The following NDC1 variants were observed in gnomAD, a reference collection of about 807,000 sequenced individuals.
NDC1 encodes the protein nucleoporin NDC1.
Under a neutral mutation model 89.8 loss-of-function variants are expected in NDC1, and 24 were observed. The observed-to-expected ratio is 0.27, with a 90% CI of 0.19 to 0.38. The LOEUF (loss-of-function observed/expected upper bound fraction) is 0.38, where lower values mean the gene tolerates loss of function less well. Ranked by LOEUF, NDC1 falls within the 10% of genes least tolerant of loss-of-function variation. The pLI is 1.00. For synonymous variants in NDC1, 296 were observed against 284.8 expected, an observed-to-expected ratio of 1.04 and a Z score of -0.39; for missense variants, 728 against 797.6, an observed-to-expected ratio of 0.91 and a Z score of 1.05.
At chr1:53,792,007 A>C (rs1221397513) in intron 14 of NDC1, among the ~76,000 whole-genome samples, 2 of 149,474 alleles carry the variant, frequency 1.3e-5, no homozygotes, top group Admixed American at 6.7e-5. Flanking sequence ...CAGTGGCTCT[A>C]TCTCGGCTCA....
intron 5 of NDC1, among the ~76,000 whole-genome samples, chr1:53,825,044 C>A (rs1489964332): frequency 2.0e-5 from 3 of 152,048 alleles, no homozygotes; most frequent in Non-Finnish European, 4.4e-5. Flanking sequence ...CACAGTGGTG[C>A]ACACCTGTAG....
intron 10 of NDC1, among the ~76,000 whole-genome samples, 195 bp downstream of exon 10, chr1:53,803,733 G>A (rs888293362): frequency 5.9e-5 from 9 of 152,064 alleles, no homozygotes; most frequent in Admixed American, 3.3e-4. Flanking sequence ...CACCACGCCC[G>A]GCTAATTTTT....
intron 2 of NDC1, among the ~76,000 whole-genome samples, chr1:53,833,022 G>C (rs575093501): frequency 1.5e-4 from 23 of 152,004 alleles, no homozygotes; most frequent in South Asian, 4.2e-4. Context: ...AAAAACAAAG[G>C]GGGGGAGAAA....
chr1:53,835,614 C>T lies in NDC1; in HGVS notation c.64G>A (p.Gly22Ser). The T allele has an allele frequency of 6.2e-7, 1 of 1,607,746 alleles. No individual in the cohort carries two copies. Among genetic ancestry groups the T allele is most frequent in the Non-Finnish European group, 8.5e-7 (1 of 1,178,194 alleles). The change falls in exon 2 of 18, where the codon GGC becomes AGC. Residue 22 changes from glycine (G) to serine (S), a missense_variant. Physicochemically the swap from Gly to Ser is moderately conservative, Grantham distance 56. Coordinates refer to ENST00000371429, the MANE Select transcript of NDC1 (RefSeq NM_018087.5). Reference sequence around the variant, plus strand: ...ACAATACTTGCAACTATCCTCCAGCCCAAAACCTATAAACAAAAAGAAAAA... The same window carrying T: ...ACAATACTTGCAACTATCCTCCAGCTCAAAACCTATAAACAAAAAGAAAAA... The part of the protein sequence containing the change: ...RSRDILWRVL[G>S]WRIVASIVWS...
chr1:53,827,568 T>A (rs1281385479), intron 4 of NDC1, among the ~76,000 whole-genome samples: 2 of 152,238 alleles, frequency 1.3e-5, no homozygotes, highest in African/African-American at 2.4e-5. Flanking sequence ...TTATAATTTT[T>A]AAAAATTTTT....
intron 13 of NDC1, among the ~76,000 whole-genome samples, chr1:53,794,680 G>A (rs1487389984): frequency 6.6e-6 from 1 of 152,056 alleles, no homozygotes; most frequent in Non-Finnish European, 1.5e-5. Flanking sequence ...GATCAGCCTG[G>A]GCAACATAGA....
chr1:53,823,155 CA>C (rs745590504), intron 5 of NDC1, among the ~76,000 whole-genome samples: 4 of 152,104 alleles, frequency 2.6e-5, no homozygotes, highest in Non-Finnish European at 4.4e-5. Context: ...CTAGTCTTGC[CA>C]AATCTTCAGC....
At chr1:53,809,133 A>C (rs1477069666) in intron 7 of NDC1, among the ~76,000 whole-genome samples, 3 of 152,190 alleles carry the variant, frequency 2.0e-5, no homozygotes, top group African/African-American at 7.2e-5. Flanking sequence ...TCATAGGCTA[A>C]ATTAGAATAA....
chr1:53,827,977 G>A, intron 4 of NDC1, 22 bp downstream of exon 4: 1 of 1,554,988 alleles, frequency 6.4e-7, no homozygotes, highest in Non-Finnish European at 8.7e-7. Context: ...AGATTCCTAA[G>A]GAAATATATA....
At chr1:53,772,865 C>T (rs1200896645) in intron 16 of NDC1, among the ~76,000 whole-genome samples, 2 of 151,996 alleles carry the variant, frequency 1.3e-5, no homozygotes, top group Non-Finnish European at 2.9e-5. Context: ...TATAGCTATG[C>T]TGTAACACAT....
chr1:53,799,333 A>C (rs1185616069), intron 11 of NDC1, among the ~76,000 whole-genome samples: 3 of 152,200 alleles, frequency 2.0e-5, no homozygotes, highest in African/African-American at 7.2e-5. Flanking sequence ...TTTGGTATGC[A>C]GTAGGAATTC....
intron 4 of NDC1, among the ~76,000 whole-genome samples, chr1:53,826,173 T>G (rs1303983837): frequency 1.3e-5 from 2 of 152,222 alleles, no homozygotes; most frequent in Admixed American, 6.5e-5. Context: ...AAATCTGACA[T>G]GATTAAGTAT....
chr1:53,782,127 G>C (rs1647215222), intron 16 of NDC1, among the ~76,000 whole-genome samples: 1 of 152,064 alleles, frequency 6.6e-6, no homozygotes, highest in Non-Finnish European at 1.5e-5. Flanking sequence ...GACAAAAAAG[G>C]AAAGAAAAGG....
rs145288483 is a variant in NDC1, at chr1:53,808,093, G to A, written c.756-302C>T. 1.7e-4 allele frequency among the ~76,000 whole-genome samples: 26 copies of A among 152,320 alleles called. No homozygotes were observed. In the East Asian group the frequency reaches 4.6e-3, roughly 27 times the overall value. On this transcript the variant is annotated intron_variant, in intron 7 of 17. Coordinates refer to ENST00000371429, the MANE Select transcript of NDC1 (RefSeq NM_018087.5). ...TAAGCCTCACTACGAGCAGCTGGGT[G>A]AAAGTTTATTATTGTTGCTTTGTAG... is the stretch of plus-strand genomic sequence containing the variant.
chr1:53,796,580 TAAAAAA>T (rs57490546), intron 13 of NDC1, 103 bp downstream of exon 13: 46 of 430,426 alleles, frequency 1.1e-4, no homozygotes, highest in South Asian at 3.4e-4. Context: ...ACACGAAGCA[TAAAAAA>T]AAAAAAAAAA....
chr1:53,782,139 A>G (rs867358711), intron 16 of NDC1, among the ~76,000 whole-genome samples: 1 of 152,142 alleles, frequency 6.6e-6, no homozygotes, highest in Non-Finnish European at 1.5e-5. Flanking sequence ...AAGAAAAGGC[A>G]GCATGTGCAG....
rs139068522 is a variant in NDC1, at chr1:53,807,759, C to A, written c.788G>T (p.Gly263Val). 6.2e-7 allele frequency: 1 copy of A among 1,613,192 alleles called. No homozygotes were observed. Among genetic ancestry groups the A allele is most frequent in the Admixed American group, 1.7e-5 (1 of 59,818 alleles). ...QVHRPLDTVSGLLNLSLLYHV... is the reference protein window; with the variant it reads ...QVHRPLDTVSVLLNLSLLYHV... ...GTAGAGTAACGAGAGATTTAAGAGG[C>A]CACTCACTGTGTCAAGTGGCCTATG... Residue 263 changes from glycine (G) to valine (V), a missense_variant, in exon 8 of 18, where the codon GGC becomes GTC. Gly to Val is a moderately radical substitution (Grantham distance 109). Coordinates refer to ENST00000371429, the MANE Select transcript of NDC1 (RefSeq NM_018087.5).
chr1:53,804,029 C>A lies in NDC1; in HGVS notation c.985-20G>T. ...TAAATACTAACAGGGGGAAAAAACA[C>A]ATATTATTTAATTTTTTTTAACCTC... On this transcript the variant is annotated intron_variant, in intron 9 of 17. Coordinates refer to ENST00000371429, the MANE Select transcript of NDC1 (RefSeq NM_018087.5). The A allele has an allele frequency of 2.5e-6, 4 of 1,575,336 alleles. No homozygotes were observed. Among genetic ancestry groups the A allele is most frequent in the Non-Finnish European group, 3.5e-6 (4 of 1,146,936 alleles).
intron 3 of NDC1, among the ~76,000 whole-genome samples, chr1:53,828,418 T>C (rs948522857): frequency 6.6e-6 from 1 of 152,024 alleles, no homozygotes; most frequent in South Asian, 2.1e-4. Context: ...GACAGCATGA[T>C]CAACATTTTT....
Sources: allele counts gnomAD v4.1 joint callset (sites outside exome capture counted in the v4.1 genomes callset), GRCh38; gene constraint gnomAD v4.1.1; transcripts MANE v1.5; gene names NCBI Gene and HGNC (gene_info 2026-07-23, HGNC 2026-07-21).